Variants in SMURF1 observed in about 807,000 individuals in gnomAD.
SMURF1 encodes E3 ubiquitin-protein ligase SMURF1.
SMURF1 carries 44 observed loss-of-function variants against 98.0 expected under a neutral mutation model. The observed-to-expected ratio is 0.45, with a 90% CI of 0.35 to 0.58. The LOEUF (loss-of-function observed/expected upper bound fraction) is 0.58. Among genes scored for constraint, SMURF1 ranks in the 20% least tolerant of loss-of-function variants. The pLI, the probability that SMURF1 is intolerant of heterozygous loss-of-function variation, is 0.00. For missense variants in SMURF1, 687 were observed against 938.4 expected, an observed-to-expected ratio of 0.73 and a Z score of 3.50; for synonymous variants, 396 against 374.9, an observed-to-expected ratio of 1.06 and a Z score of -0.65.
At chr7:99,045,828 GAGA>G (rs750534421) in intron 10 of SMURF1, 27 bp from the exon 11 acceptor site, 9 of 1,527,564 alleles carry the variant, frequency 5.9e-6, no homozygotes, top group Non-Finnish European at 8.2e-6. Context: ...CAGTTTCAGA[GAGA>G]AGAACATTCT....
chr7:99,071,061 C>CTT (rs58384494), intron 1 of SMURF1, among the ~76,000 whole-genome samples: 8 of 142,080 alleles, frequency 5.6e-5, no homozygotes, highest in South Asian at 2.2e-4. Context: ...GCATTTGGAA[C>CTT]TTTTTTTTTT....
intron 1 of SMURF1, among the ~76,000 whole-genome samples, chr7:99,069,329 C>A (rs186146495): frequency 2.0e-4 from 31 of 152,236 alleles, no homozygotes. Flanking sequence ...AAGTTAGGCC[C>A]CTCTGAGGGA....
At chr7:99,057,148 A>G in intron 5 of SMURF1, 57 bp downstream of exon 5, 4 of 1,588,232 alleles carry the variant, frequency 2.5e-6, no homozygotes, top group Non-Finnish European at 3.5e-6. Context: ...TCGGCGATGA[A>G]GGGTTGAATG....
At chr7:99,122,352 G>GAAA (rs1563039200) in intron 1 of SMURF1, among the ~76,000 whole-genome samples, 1 of 144,322 alleles carries the variant, frequency 6.9e-6, no homozygotes, top group Non-Finnish European at 1.5e-5. Flanking sequence ...AGAAGAAGAA[G>GAAA]AAAAAAAAAG....
Position 99,030,269 on chromosome 7 carries a change from G to A in SMURF1, c.*315C>T, listed in dbSNP as rs1165442318. 6 of 315,828 alleles carry A rather than the reference G, an allele frequency of 1.9e-5. No individual in the cohort carries two copies. The highest frequency in any genetic ancestry group is 1.0e-3 in the Middle Eastern group (1 of 1,002). The allele number at this position is 315,828 out of a possible 1,614,324, so 19.6% of individuals were successfully genotyped here. On this transcript the variant is annotated 3_prime_UTR_variant, in exon 18 of 18. Transcript: ENST00000361368. ...GCTCCCGTAAAGAGCTCAGGGCTGTGAGCCTTATCACCACATGGGTTGCAA... is the reference window on the plus strand; with the variant it reads ...GCTCCCGTAAAGAGCTCAGGGCTGTAAGCCTTATCACCACATGGGTTGCAA...
At chr7:99,059,137 C>T (rs1482747178) in intron 3 of SMURF1, among the ~76,000 whole-genome samples, 2 of 151,444 alleles carry the variant, frequency 1.3e-5, no homozygotes, top group African/African-American at 2.4e-5. Flanking sequence ...CGGTGGCTCA[C>T]GCCTGTAATC....
intron 8 of SMURF1, chr7:99,050,292 G>A (rs1795713643): frequency 6.6e-6 from 1 of 152,584 alleles, no homozygotes; most frequent in South Asian, 2.1e-4. Context: ...TTATATGAAA[G>A]AAGGCCCTAA....
intron 1 of SMURF1, among the ~76,000 whole-genome samples, chr7:99,090,146 C>G (rs932391422): frequency 5.3e-5 from 8 of 152,234 alleles, no homozygotes; most frequent in Non-Finnish European, 2.9e-5. Flanking sequence ...ACGCGCACTA[C>G]TGTTCAGCAA....
chr7:99,057,185 A>G lies in SMURF1; in HGVS notation c.403+20T>C, dbSNP rs1489187460. The stretch of plus-strand genomic sequence containing the variant: ...AAGTTCTGGAAAAGCATCTCTTTAC[A>G]CAGACAAGAAAGTTCTTACCCACTA... On this transcript the variant is annotated intron_variant, in intron 5 of 17. Coordinates refer to ENST00000361368, the MANE Select transcript of SMURF1 (RefSeq NM_181349.3). 1.2e-6 allele frequency: 2 copies of G among 1,613,114 alleles called. No homozygotes were observed. Among genetic ancestry groups the G allele is most frequent in the Non-Finnish European group, 1.7e-6 (2 of 1,179,256 alleles).
chr7:99,042,642 A>C (rs1275050832), intron 11 of SMURF1, among the ~76,000 whole-genome samples: 2 of 152,234 alleles, frequency 1.3e-5, no homozygotes, highest in Non-Finnish European at 2.9e-5. Context: ...CCCAAAGTTA[A>C]AAACAGTCAA....
chr7:99,071,919 A>AG (rs1796333392), intron 1 of SMURF1, among the ~76,000 whole-genome samples: 1 of 151,928 alleles, frequency 6.6e-6, no homozygotes, highest in African/African-American at 2.4e-5. Context: ...TTAAAAAAAA[A>AG]AAAATAGAAA....
At chr7:99,139,129 T>C (rs993811187) in intron 1 of SMURF1, among the ~76,000 whole-genome samples, 2 of 152,232 alleles carry the variant, frequency 1.3e-5, no homozygotes, top group Non-Finnish European at 2.9e-5. Flanking sequence ...TTAATCTTTC[T>C]TGAGAGACTT....
chr7:99,079,197 C>T (rs4729509), intron 1 of SMURF1, among the ~76,000 whole-genome samples: 152,332 of 152,370 alleles, frequency 1, 76,147 homozygotes, highest in Middle Eastern at 1. Flanking sequence ...GCAGCTGCGC[C>T]TGGAATCCTC....
intron 1 of SMURF1, among the ~76,000 whole-genome samples, chr7:99,094,755 A>G (rs887539692): frequency 2.0e-5 from 3 of 152,260 alleles, no homozygotes; most frequent in Non-Finnish European, 4.4e-5. Context: ...ATCATTGCCA[A>G]ATTGTCAGAG....
intron 1 of SMURF1, among the ~76,000 whole-genome samples, chr7:99,074,252 G>C (rs539150489): frequency 6.6e-6 from 1 of 152,256 alleles, no homozygotes; most frequent in East Asian, 1.9e-4. Context: ...CATGCTCTAT[G>C]TCCTGACCTG....
chr7:99,063,255 A>ATATATATAAGATT (rs1796091569), intron 1 of SMURF1, among the ~76,000 whole-genome samples: 3 of 4,576 alleles, frequency 6.6e-4, no homozygotes, highest in Admixed American at 3.0e-3. Flanking sequence ...ATATATATAT[A>ATATATATAAGATT]TATATATATA....
intron 1 of SMURF1, among the ~76,000 whole-genome samples, chr7:99,076,798 C>CGCAT: frequency 6.6e-6 from 1 of 152,024 alleles, no homozygotes; most frequent in Non-Finnish European, 1.5e-5. Flanking sequence ...TGTGTGTGTG[C>CGCAT]GCATGTGTGC....
At chr7:99,031,807 G>C (rs1038517517) in intron 17 of SMURF1, among the ~76,000 whole-genome samples, 3 of 152,104 alleles carry the variant, frequency 2.0e-5, no homozygotes, top group African/African-American at 7.2e-5. Context: ...CGCATCCTTG[G>C]GTTCCAAGAC....
intron 13 of SMURF1, among the ~76,000 whole-genome samples, chr7:99,039,193 CAAAAAAAAAAAAAA>C (rs34106810): frequency 0.22 from 13,474 of 61,380 alleles, 820 homozygotes; most frequent in East Asian, 0.38. Flanking sequence ...GACTCTGTCT[CAAAAAAAAAAAAAA>C]AAAAAAAAAA....
Sources: gnomAD v4.1 joint callset for allele counts (sites outside exome capture counted in the v4.1 genomes callset) on GRCh38, gnomAD v4.1.1 for gene constraint, MANE v1.5 for transcripts, NCBI Gene and HGNC (gene_info 2026-07-23, HGNC 2026-07-21) for gene names.